The following WASF3 variants were observed in gnomAD, a reference collection of about 807,000 sequenced individuals.
The protein encoded by WASF3 is actin-binding protein WASF3.
WASF3 carries 11 observed loss-of-function variants against 46.6 expected under a neutral mutation model. The observed-to-expected ratio is 0.24, with a 90% CI of 0.15 to 0.39. WASF3 has a LOEUF of 0.39. Among genes scored for constraint, WASF3 ranks in the 10% least tolerant of loss-of-function variants. WASF3 has a pLI of 1.00. For missense variants in WASF3, 576 were observed against 669.8 expected, an observed-to-expected ratio of 0.86 and a Z score of 1.55; for synonymous variants, 242 against 259.7, an observed-to-expected ratio of 0.93 and a Z score of 0.65.
chr13:26,668,956 C>G (rs978738870), intron 5 of WASF3, among the ~76,000 whole-genome samples: 9 of 152,164 alleles, frequency 5.9e-5, no homozygotes, highest in African/African-American at 2.2e-4. Flanking sequence ...AAGCCTCAAA[C>G]ACAATGTAAC....
At chr13:26,568,153 T>G (rs9581706) in intron 1 of WASF3, among the ~76,000 whole-genome samples, 68,613 of 151,636 alleles carry the variant, frequency 0.45, 16,007 homozygotes, top group South Asian at 0.52. Context: ...TTATTCTGAG[T>G]GAGATGAAAA....
At chr13:26,683,151 A>G (rs1253841852) in intron 9 of WASF3, among the ~76,000 whole-genome samples, 177 bp downstream of exon 9, 1 of 152,198 alleles carries the variant, frequency 6.6e-6, no homozygotes, top group African/African-American at 2.4e-5. Context: ...GTTTTTGTCC[A>G]GTGTAAGGTA....
intron 2 of WASF3, among the ~76,000 whole-genome samples, chr13:26,635,921 T>A (rs1881803751): frequency 6.6e-6 from 1 of 152,232 alleles, no homozygotes; most frequent in African/African-American, 2.4e-5. Context: ...GAGGTGTCTA[T>A]CAGCCCCTTC....
chr13:26,578,993 CTTT>C (rs200299739), intron 1 of WASF3, among the ~76,000 whole-genome samples: 212 of 60,634 alleles, frequency 3.5e-3, no homozygotes, highest in African/African-American at 8.9e-3. Context: ...GATACATTTC[CTTT>C]TTTTTTTTTT....
chr13:26,549,913 T>G, the WASF3 span, among the ~76,000 whole-genome samples: 2 of 152,148 alleles, frequency 1.3e-5, no homozygotes, highest in Non-Finnish European at 2.9e-5. Flanking sequence ...AAAGCCCGGG[T>G]GGCTTATATA....
chr13:26,611,416 A>G (rs1181030331), intron 1 of WASF3, among the ~76,000 whole-genome samples: 4 of 152,282 alleles, frequency 2.6e-5, no homozygotes, highest in Admixed American at 1.3e-4. Context: ...GGGAAAATTC[A>G]TAATTGTGTT....
At chr13:26,610,738 A>G (rs1439992613) in intron 1 of WASF3, among the ~76,000 whole-genome samples, 1 of 152,106 alleles carries the variant, frequency 6.6e-6, no homozygotes, top group Non-Finnish European at 1.5e-5. Flanking sequence ...ATGGAAATAG[A>G]ATTGGAGTGA....
intron 3 of WASF3, among the ~76,000 whole-genome samples, chr13:26,660,194 G>GTTTTTTTTTTTT (rs71080285): frequency 4.4e-4 from 19 of 43,378 alleles, no homozygotes; most frequent in African/African-American, 1.1e-3. Flanking sequence ...TTTTTGTTTG[G>GTTTTTTTTTTTT]TTTTTTTTTT....
chr13:26,580,631 T>C (rs1324735555), intron 1 of WASF3, among the ~76,000 whole-genome samples: 1 of 151,212 alleles, frequency 6.6e-6, no homozygotes, highest in Non-Finnish European at 1.5e-5. Flanking sequence ...TCTTTCTTTT[T>C]TTTTTTTTTT....
intron 2 of WASF3, among the ~76,000 whole-genome samples, chr13:26,637,514 C>T (rs11619879): frequency 0.018 from 2,712 of 152,268 alleles, 38 homozygotes; most frequent in Non-Finnish European, 0.029. Context: ...CAGATGGTGG[C>T]GAAGACTGCT....
At position 26,592,875 on chromosome 13, in the gene WASF3, G is replaced by A. The variant is rs139154090; in HGVS notation, c.-108-20086G>A. On this transcript the variant is annotated intron_variant, in intron 1 of 9. Transcript: ENST00000335327. ...CTGTCTCTGTGGGTTAAGCATACAT[G>A]GATTATTTTCTAAGGTCATTTCTGT... 4.2e-4 allele frequency among the ~76,000 whole-genome samples: 64 copies of A among 152,018 alleles called. 1 individual carries two copies. The highest frequency in any genetic ancestry group is 1.4e-3 in the African/African-American group (60 of 41,476).
chr13:26,682,719 C>T lies in WASF3; in HGVS notation c.1096C>T (p.Pro366Ser), dbSNP rs1467261938. 3.7e-6 allele frequency: 6 copies of T among 1,614,042 alleles called. No individual in the cohort carries two copies. The highest frequency in any genetic ancestry group is 5.1e-6 in the Non-Finnish European group (6 of 1,180,038). ...TGCCTTCGTCAGCCCTCTCCAGATG[C>T]CCATGCAGCCCCCGTTCCCTGCATC... ...QTAFVSPLQM[P>S]MQPPFPASAS... The change falls in exon 9 of 10, where the codon CCC becomes TCC. Residue 366 changes from proline to serine, a missense_variant. Pro to Ser is a moderately conservative substitution (Grantham distance 74). Around this residue, in one of 3 missense-constraint regions of WASF3, gnomAD observed 295 missense variants for 291.5 expected, o/e 1.01. Transcript: ENST00000335327. This position sits in a 1 kb window ranked among gnomAD's most constrained non-coding sequence, Gnocchi z 4.4.
intron 3 of WASF3, 125 bp downstream of exon 3, chr13:26,642,528 A>G (rs779031348): frequency 8.3e-7 from 1 of 1,201,192 alleles, no homozygotes; most frequent in Non-Finnish European, 1.1e-6. Context: ...CTCCTTCTGT[A>G]TTTCCCAGTA....
At chr13:26,680,354 G>A (rs1453286062) in intron 7 of WASF3, among the ~76,000 whole-genome samples, 1 of 152,172 alleles carries the variant, frequency 6.6e-6, no homozygotes, top group Non-Finnish European at 1.5e-5. Context: ...CTGCCGGGCT[G>A]CCACACTTGG....
rs954257533 is a variant in WASF3 at position 26,686,925 on chromosome 13, T to A, written c.*1080T>A. The A allele has an allele frequency of 1.3e-5, 2 of 152,272 alleles. No homozygotes were observed. The highest frequency in any genetic ancestry group is 4.8e-5 in the African/African-American group (2 of 41,474). 9.4% of individuals were successfully genotyped at this position (152,272 alleles called of 1,614,324 possible). A position where few individuals can be genotyped will look rare whatever the true frequency, so the allele number is the denominator to read the frequency against. On this transcript the variant is annotated 3_prime_UTR_variant, in exon 10 of 10. Coordinates refer to ENST00000335327, the MANE Select transcript of WASF3 (RefSeq NM_006646.6). ...CACCTTTCACGGTGCTGGGGCCAGA[T>A]TAGGGATCACTCCCGTGAGGAGGGC...
At chr13:26,541,646 T>A in the WASF3 span, among the ~76,000 whole-genome samples, 1 of 25,898 alleles carries the variant, frequency 3.9e-5, no homozygotes, top group East Asian at 7.0e-4. Context: ...GGAAGCCCAC[T>A]TTTTTTTTTC....
intron 1 of WASF3, chr13:26,609,401 A>T (rs1880902211): frequency 6.6e-6 from 1 of 151,868 alleles, no homozygotes; most frequent in Non-Finnish European, 1.5e-5. Context: ...ATTTGAAATT[A>T]CCTGCACTCA....
chr13:26,605,675 C>T (rs1880773037), intron 1 of WASF3, among the ~76,000 whole-genome samples: 1 of 152,162 alleles, frequency 6.6e-6, no homozygotes, highest in Non-Finnish European at 1.5e-5. Context: ...GGGGCCAGAC[C>T]TGTCTACTGT....
At chr13:26,541,948 T>C in the WASF3 span, among the ~76,000 whole-genome samples, 2 of 152,188 alleles carry the variant, frequency 1.3e-5, no homozygotes, top group Non-Finnish European at 2.9e-5. Flanking sequence ...CTGCCAGGTG[T>C]TGGTGTACCT....
Sources: allele counts gnomAD v4.1 joint callset (sites outside exome capture counted in the v4.1 genomes callset), GRCh38; gene constraint gnomAD v4.1.1; regional missense constraint gnomAD v4.1.1; non-coding constraint Gnocchi (gnomAD v3.1); transcripts MANE v1.5; gene names NCBI Gene and HGNC (gene_info 2026-07-23, HGNC 2026-07-21).